The following CYS1 variants were observed in gnomAD, a reference collection of about 807,000 sequenced individuals.
CYS1 encodes cystin 1.
Under a neutral mutation model 9.6 loss-of-function variants are expected in CYS1, and 5 were observed. The observed-to-expected ratio is 0.52, with a 90% CI of 0.27 to 1.10. CYS1 has a LOEUF of 1.10. CYS1 is among the 50% of genes least tolerant of loss of function. CYS1 has a pLI of 0.11. For synonymous variants in CYS1, 88 were observed against 95.7 expected, an observed-to-expected ratio of 0.92 and a Z score of 0.47; for missense variants, 221 against 207.9, an observed-to-expected ratio of 1.06 and a Z score of -0.39.
chr2:10,069,607 T>C (rs1174767850), intron 1 of CYS1, among the ~76,000 whole-genome samples: 1 of 152,140 alleles, frequency 6.6e-6, no homozygotes, highest in East Asian at 1.9e-4. Flanking sequence ...GACCTCATGA[T>C]CCACCTGCCT....
Sources: gnomAD v4.1 joint callset for allele counts (sites outside exome capture counted in the v4.1 genomes callset) on GRCh38, gnomAD v4.1.1 for gene constraint, MANE v1.5 for transcripts, NCBI Gene and HGNC (gene_info 2026-07-23, HGNC 2026-07-21) for gene names.